PCDHA1: variants seen among roughly 807,000 people sequenced by gnomAD.
PCDHA1 encodes protocadherin alpha-1.
In PCDHA1, 42 loss-of-function variants were observed where a neutral mutation model predicts 61.3. The ratio of observed to expected loss-of-function variants is 0.69; its 90% CI spans 0.54 to 0.89. PCDHA1 has a LOEUF of 0.89. PCDHA1 is among the 40% of genes least tolerant of loss of function. The probability of loss-of-function intolerance (pLI) is 0.00; values close to 1 mark genes in which losing one functional copy is unlikely to be tolerated. For missense variants in PCDHA1, 1,256 were observed against 1,235.3 expected (o/e 1.02, Z -0.25); for synonymous variants, 610 against 553.8 (o/e 1.10, Z -1.43).
intron 1 of PCDHA1, chr5:140,858,475 GAAT>G (rs2045440906): frequency 2.0e-6 from 3 of 1,517,006 alleles, no homozygotes; most frequent in East Asian, 4.9e-5. Context: ...TGTGCTTTAT[GAAT>G]AATATTTTCT....
At chr5:140,883,367 G>A (rs782044159) in intron 1 of PCDHA1, 2 of 1,614,124 alleles carry the variant, frequency 1.2e-6, no homozygotes, top group East Asian at 2.2e-5. Context: ...TCAGCCTAGC[G>A]CCATTATTGC....
At chr5:140,895,802 C>CTGTAT (rs1289601886) in intron 1 of PCDHA1, among the ~76,000 whole-genome samples, 86 of 152,166 alleles carry the variant, frequency 5.7e-4, no homozygotes, top group African/African-American at 1.6e-3. Context: ...ATGTACAATA[C>CTGTAT]TGTATTGTAT....
intron 1 of PCDHA1, among the ~76,000 whole-genome samples, chr5:140,975,269 T>A (rs1348655604): frequency 1.3e-5 from 2 of 152,252 alleles, no homozygotes; most frequent in African/African-American, 4.8e-5. Context: ...CTGATTTCTG[T>A]CTCTGACCTC....
intron 1 of PCDHA1, chr5:140,876,201 T>C: frequency 1.9e-6 from 3 of 1,613,952 alleles, no homozygotes; most frequent in Non-Finnish European, 1.7e-6. Flanking sequence ...CGGCGTTTGA[T>C]AAGCCCAGCT....
In PCDHA1 at chr5:140,842,828, T is replaced by G. The variant is rs2150345538; in HGVS notation, c.2394+54144T>G. 123 of 1,593,622 alleles carry G rather than the reference T, an allele frequency of 7.7e-5. 15 individuals carry two copies. Among genetic ancestry groups the G allele is most frequent in the Admixed American group, 1.7e-4 (10 of 59,284 alleles). ...TGTGGAGCGGCGGGTGGGCGAGCGCTCGCTGTCGAGCTACATTTCGGTGCA... is the reference window on the plus strand; with the variant it reads ...TGTGGAGCGGCGGGTGGGCGAGCGCGCGCTGTCGAGCTACATTTCGGTGCA... On this transcript the variant is annotated intron_variant, in intron 1 of 3. Coordinates refer to ENST00000504120, the MANE Select transcript of PCDHA1 (RefSeq NM_018900.4).
chr5:140,937,288 C>T (rs1473599964), intron 1 of PCDHA1, among the ~76,000 whole-genome samples: 1 of 152,072 alleles, frequency 6.6e-6, no homozygotes, highest in African/African-American at 2.4e-5. Context: ...TCACCCGCTT[C>T]GGCCTCCCAA....
chr5:140,969,822 G>A (rs559271640), intron 1 of PCDHA1, among the ~76,000 whole-genome samples: 68 of 152,320 alleles, frequency 4.5e-4, no homozygotes, highest in Non-Finnish European at 8.4e-4. Flanking sequence ...ACTCTGGACT[G>A]TCTACAGTGG....
At chr5:140,835,948 C>T (rs2150248824) in intron 1 of PCDHA1, 2 of 1,612,794 alleles carry the variant, frequency 1.2e-6, no homozygotes, top group East Asian at 2.2e-5. Context: ...GCGCTGCAGC[C>T]GTTGGACCAC....
At chr5:140,895,143 A>T (rs115893558) in intron 1 of PCDHA1, among the ~76,000 whole-genome samples, 1 of 152,158 alleles carries the variant, frequency 6.6e-6, no homozygotes, top group African/African-American at 2.4e-5. Flanking sequence ...CATAGGGCTA[A>T]GACAGGTTTA....
At chr5:140,931,793 A>C (rs979670484) in intron 1 of PCDHA1, among the ~76,000 whole-genome samples, 33 of 151,972 alleles carry the variant, frequency 2.2e-4, no homozygotes, top group African/African-American at 7.7e-4. Context: ...TATTGATCTG[A>C]TCTTAATTCT....
At chr5:140,831,510 T>C (rs1180915101) in intron 1 of PCDHA1, among the ~76,000 whole-genome samples, 2 of 137,202 alleles carry the variant, frequency 1.5e-5, no homozygotes, top group East Asian at 4.2e-4. Flanking sequence ...AGCACCACCA[T>C]GCCCCCCACC....
chr5:140,863,195 C>T (rs782227810), intron 1 of PCDHA1: 17 of 864,950 alleles, frequency 2.0e-5, no homozygotes, highest in Admixed American at 3.7e-5. Context: ...GTGGTGGCGT[C>T]GCTGGCGGAG....
intron 1 of PCDHA1, among the ~76,000 whole-genome samples, chr5:140,902,203 CT>C (rs148688132): frequency 0.19 from 23,745 of 124,094 alleles, 1,540 homozygotes; most frequent in African/African-American, 0.29. Flanking sequence ...CTCTCTCTTT[CT>C]TTTTTTTTTT....
At chr5:140,973,984 C>CT (rs2096610197) in intron 1 of PCDHA1, among the ~76,000 whole-genome samples, 1 of 152,186 alleles carries the variant, frequency 6.6e-6, no homozygotes, top group East Asian at 1.9e-4. Flanking sequence ...TTTTACAGAA[C>CT]TTCACCTGGA....
chr5:140,849,672 G>A, intron 1 of PCDHA1: 1 of 1,598,650 alleles, frequency 6.3e-7, no homozygotes, highest in Non-Finnish European at 8.6e-7. Flanking sequence ...GACGCCCCAC[G>A]TCCCCTTCAA....
chr5:140,900,420 GGC>G lies in PCDHA1; in HGVS notation c.2395-78528_2395-78527del, dbSNP rs1554189140. ...AGCCTCCCAAGTAGCTGGGATTATA[GGC>G]ACGTGCCACCACGGCCGGCTAATTT... On this transcript the variant is annotated intron_variant, in intron 1 of 3. Transcript: ENST00000504120. Among the ~76,000 whole-genome samples the G allele has an allele frequency of 7.9e-5, 12 of 152,256 alleles. No individual in the cohort carries two copies. The East Asian group carries it at 2.3e-3, about 30-fold the overall frequency.
chr5:140,842,487 T>G, intron 1 of PCDHA1: 3 of 1,613,936 alleles, frequency 1.9e-6, no homozygotes, highest in Non-Finnish European at 2.5e-6. Context: ...ACCTGCTCCC[T>G]GATGCCCCAT....
chr5:140,795,862 G>C (rs562047607), intron 1 of PCDHA1: 4 of 1,613,944 alleles, frequency 2.5e-6, no homozygotes, highest in African/African-American at 2.7e-5. Context: ...TCCCATCTCA[G>C]GGGAAATCAG....
At chr5:140,975,784 A>G (rs1216156931) in intron 1 of PCDHA1, among the ~76,000 whole-genome samples, 1 of 151,914 alleles carries the variant, frequency 6.6e-6, no homozygotes, top group Non-Finnish European at 1.5e-5. Flanking sequence ...CCATTACAAG[A>G]TAAATTAAAT....
Sources: gnomAD v4.1 joint callset for allele counts (sites outside exome capture counted in the v4.1 genomes callset) on GRCh38, gnomAD v4.1.1 for gene constraint, MANE v1.5 for transcripts, NCBI Gene and HGNC (gene_info 2026-07-23, HGNC 2026-07-21) for gene names.